Variants in CYTIP observed in about 807,000 individuals in gnomAD.
CYTIP encodes the protein cytohesin 1 interacting protein.
Under a neutral mutation model 43.8 loss-of-function variants are expected in CYTIP, and 26 were observed. That is an observed-to-expected ratio of 0.59 (90% CI 0.44 to 0.82). The LOEUF (loss-of-function observed/expected upper bound fraction) is 0.82. Ranked by LOEUF, CYTIP falls within the 40% of genes least tolerant of loss-of-function variation. The pLI, the probability that CYTIP is intolerant of heterozygous loss-of-function variation, is 0.00. For synonymous variants in CYTIP, 162 were observed against 162.9 expected, an observed-to-expected ratio of 0.99 and a Z score of 0.04; for missense variants, 426 against 443.1, an observed-to-expected ratio of 0.96 and a Z score of 0.35.
intron 4 of CYTIP, 104 bp from the exon 5 acceptor site, chr2:157,430,756 C>A: frequency 6.9e-7 from 1 of 1,452,398 alleles, no homozygotes; most frequent in South Asian, 1.2e-5. Context: ...CATAAAGGAG[C>A]CAAGAAAACT....
intron 7 of CYTIP, 79 bp from the exon 8 acceptor site, chr2:157,416,222 T>A (rs549727885): frequency 1.7e-6 from 2 of 1,174,248 alleles, no homozygotes. Context: ...AACTTCTCTT[T>A]GAATGACACG....
rs113065609 is a variant in CYTIP at position 157,434,812 on chromosome 2, A to ATCTC, written c.175-69_175-66dup. On this transcript the variant is annotated intron_variant, in intron 1 of 7. Transcript: ENST00000264192. ...CAAGATACACTGTAAAATGTTCTAAATCTCTCTCTCTCTCTCTCTCTCTCT... is the reference window on the plus strand; with the variant it reads ...CAAGATACACTGTAAAATGTTCTAAATCTCTCTCTCTCTCTCTCTCTCTCTCTCT... The ATCTC allele has an allele frequency of 1.4e-3, 561 of 415,398 alleles. 1 individual carries two copies. Among genetic ancestry groups the ATCTC allele is most frequent in the Admixed American group, 7.4e-3 (129 of 17,514 alleles). The allele number at this position is 415,398 out of a possible 1,614,324, so 25.7% of individuals were successfully genotyped here. A position where few individuals can be genotyped will look rare whatever the true frequency, so the allele number is the denominator to read the frequency against.
intron 3 of CYTIP, among the ~76,000 whole-genome samples, chr2:157,431,447 TTTA>T (rs1445067339): frequency 6.6e-6 from 1 of 152,190 alleles, no homozygotes; most frequent in Non-Finnish European, 1.5e-5. Context: ...CTGCCCTGCA[TTTA>T]TTCAAAAGTA....
Position 157,416,029 on chromosome 2 carries a change from T to G in CYTIP, c.728A>C (p.Glu243Ala). The change falls in exon 8 of 8, where the codon GAG becomes GCG. Residue 243 changes from glutamate to alanine, a missense_variant. Coordinates refer to ENST00000264192, the MANE Select transcript of CYTIP (RefSeq NM_004288.5). Reference sequence around the variant, plus strand: ...GCTCAGCCAGCTCTTACAGCTGCTCTCACTGGATAATCGATTCCGGTCCAC... The same window carrying G: ...GCTCAGCCAGCTCTTACAGCTGCTCGCACTGGATAATCGATTCCGGTCCAC... The part of the protein sequence containing the change: ...ALVDRNRLSS[E>A]SSCKSWLSSM... The G allele has an allele frequency of 3.7e-6, 6 of 1,614,218 alleles. No individual in the cohort carries two copies. Among genetic ancestry groups the G allele is most frequent in the Non-Finnish European group, 5.1e-6 (6 of 1,180,050 alleles).
intron 6 of CYTIP, among the ~76,000 whole-genome samples, chr2:157,422,443 G>A (rs754142942): frequency 1.3e-4 from 20 of 152,084 alleles, no homozygotes; most frequent in African/African-American, 1.7e-4. Context: ...CTAAGCGAGC[G>A]GATCACCTGA....
chr2:157,442,732 C>T (rs1047312444), intron 1 of CYTIP, among the ~76,000 whole-genome samples: 1 of 152,118 alleles, frequency 6.6e-6, no homozygotes, highest in Non-Finnish European at 1.5e-5. Context: ...CTTATCTTCA[C>T]TCCGAAAAAT....
rs1326825388 is a variant in CYTIP, at chr2:157,443,863, G to A, written c.158C>T (p.Pro53Leu). The A allele has an allele frequency of 1.9e-6, 3 of 1,614,046 alleles. No individual in the cohort carries two copies. The South Asian group carries it at 3.3e-5, about 18-fold the overall frequency. Residue 53 changes from proline (P) to leucine (L), a missense_variant, in exon 1 of 8, where the codon CCT becomes CTT. Coordinates refer to ENST00000264192, the MANE Select transcript of CYTIP (RefSeq NM_004288.5). ...QMLADTVATL[P>L]RGRKQLALTR... The stretch of plus-strand genomic sequence containing the variant: ...CAATCATACCTGCTTTCGTCCCCGA[G>A]GCAGAGTAGCCACCGTGTCTGCTAG...
intron 1 of CYTIP, among the ~76,000 whole-genome samples, chr2:157,436,769 A>G (rs1468695860): frequency 2.6e-5 from 4 of 152,190 alleles, no homozygotes; most frequent in Admixed American, 1.3e-4. Flanking sequence ...GGAGAAATAG[A>G]TAAAAATAAA....
intron 6 of CYTIP, among the ~76,000 whole-genome samples, chr2:157,422,799 A>G (rs1685542825): frequency 6.6e-6 from 1 of 152,134 alleles, no homozygotes; most frequent in Admixed American, 6.5e-5. Flanking sequence ...TGACAAAACA[A>G]GAACAGATAG....
At chr2:157,425,542 G>C (rs1445030275) in intron 6 of CYTIP, among the ~76,000 whole-genome samples, 1 of 152,092 alleles carries the variant, frequency 6.6e-6, no homozygotes, top group Non-Finnish European at 1.5e-5. Context: ...GAAGAGGATG[G>C]AGATACTGAA....
intron 7 of CYTIP, among the ~76,000 whole-genome samples, chr2:157,417,760 T>A (rs1204200430): frequency 1.3e-5 from 2 of 151,990 alleles, no homozygotes; most frequent in Non-Finnish European, 2.9e-5. Flanking sequence ...TAGTTAAGGA[T>A]TAAATTGTTA....
At chr2:157,422,002 G>A (rs1685528561) in intron 6 of CYTIP, among the ~76,000 whole-genome samples, 1 of 152,158 alleles carries the variant, frequency 6.6e-6, no homozygotes, top group South Asian at 2.1e-4. Flanking sequence ...TTCCGCTTAA[G>A]AAAAAAACAT....
intron 6 of CYTIP, among the ~76,000 whole-genome samples, chr2:157,422,805 G>A (rs1386578706): frequency 1.3e-5 from 2 of 151,632 alleles, no homozygotes; most frequent in African/African-American, 4.8e-5. Flanking sequence ...AACAAGAACA[G>A]ATAGACATGA....
chr2:157,437,144 A>T lies in CYTIP; in HGVS notation c.175-2397T>A, dbSNP rs190057381. ...TAAAACATAGGGGAAAGGCTTTAGC[A>T]TATTGGATTGGGAAAAAATTTTATG... On this transcript the variant is annotated intron_variant, in intron 1 of 7. Coordinates refer to ENST00000264192, the MANE Select transcript of CYTIP (RefSeq NM_004288.5). Among the ~76,000 whole-genome samples, 239 of 152,286 alleles carry T rather than the reference A, an allele frequency of 1.6e-3. 2 individuals are homozygous for T. Among genetic ancestry groups the T allele is most frequent in the African/African-American group, 5.5e-3 (228 of 41,560 alleles).
intron 1 of CYTIP, 87 bp downstream of exon 1, chr2:157,443,760 T>C (rs1685952470): frequency 2.9e-6 from 4 of 1,366,630 alleles, no homozygotes; most frequent in South Asian, 1.5e-5. Flanking sequence ...CTCTAAAATA[T>C]CACCATTAGT....
rs920138969 is a variant in CYTIP at position 157,414,709 on chromosome 2, A to G, written c.*968T>C. On this transcript the variant is annotated 3_prime_UTR_variant, in exon 8 of 8. Coordinates refer to ENST00000264192, the MANE Select transcript of CYTIP (RefSeq NM_004288.5). ...GCTGTGCCACCAGAACAGAGAATTC[A>G]TAGACTTCAATGGATATTAAATAAA... is the stretch of plus-strand genomic sequence containing the variant. 6 of 152,206 alleles carry G rather than the reference A, an allele frequency of 3.9e-5. No homozygotes were observed. The highest frequency in any genetic ancestry group is 7.3e-5 in the Non-Finnish European group (5 of 68,040). 9.4% of individuals were successfully genotyped at this position (152,206 alleles called of 1,614,324 possible). A position where few individuals can be genotyped will look rare whatever the true frequency, so the allele number is the denominator to read the frequency against.
intron 6 of CYTIP, among the ~76,000 whole-genome samples, chr2:157,419,601 A>G (rs1357260063): frequency 6.6e-6 from 1 of 152,118 alleles, no homozygotes; most frequent in Non-Finnish European, 1.5e-5. Context: ...TTTATTCTCT[A>G]CTGTTCCCCT....
intron 1 of CYTIP, among the ~76,000 whole-genome samples, chr2:157,435,237 T>C (rs1418842782): frequency 1.3e-5 from 2 of 152,166 alleles, no homozygotes; most frequent in African/African-American, 2.4e-5. Flanking sequence ...AAATACTTTA[T>C]AGTTTTTGGA....
chr2:157,427,414 C>A lies in CYTIP; in HGVS notation c.483G>T (p.Glu161Asp). 1.2e-6 allele frequency: 2 copies of A among 1,602,620 alleles called. No individual in the cohort carries two copies. Among genetic ancestry groups the A allele is most frequent in the East Asian group, 2.2e-5 (1 of 44,746 alleles). Reference protein sequence around the residue: ...IRSSGNLLTIETLNGTMILKR... With the variant: ...IRSSGNLLTIDTLNGTMILKR... ...TCAGAATCATTGTTCCATTAAGAGT[C>A]TCTATCCTGTTTTAAGGAAAAAAAA... The change falls in exon 6 of 8, where the codon GAG becomes GAT. Residue 161 changes from glutamate to aspartate, a missense_variant. Glu to Asp is a conservative substitution (Grantham distance 45, BLOSUM62 2). Transcript: ENST00000264192.
Sources: allele counts gnomAD v4.1 joint callset (sites outside exome capture counted in the v4.1 genomes callset), GRCh38; gene constraint gnomAD v4.1.1; transcripts MANE v1.5; gene names NCBI Gene and HGNC (gene_info 2026-07-23, HGNC 2026-07-21).